Variants in CALN1 observed in about 807,000 individuals in gnomAD.
CALN1 encodes the protein calcium-binding protein 8.
A neutral mutation model predicts 30.6 loss-of-function variants in CALN1; 17 were observed. That is an observed-to-expected ratio of 0.56 (90% CI 0.38 to 0.83). CALN1 has a LOEUF of 0.83. Ranked by LOEUF, CALN1 falls within the 40% of genes least tolerant of loss-of-function variation. CALN1 has a pLI of 0.00. For missense variants in CALN1, 291 were observed against 354.9 expected, an observed-to-expected ratio of 0.82 and a Z score of 1.45; for synonymous variants, 156 against 131.4, an observed-to-expected ratio of 1.19 and a Z score of -1.28.
In CALN1 at chr7:72,412,315, G is replaced by A. The variant is rs572959266; in HGVS notation, c.-331C>T. On this transcript the variant is annotated 5_prime_UTR_variant, in exon 1 of 7. Coordinates refer to ENST00000395275, the MANE Select transcript of CALN1 (RefSeq NM_031468.4). ...AGGAAAGAAAAAAACACAAACTCAA[G>A]CGGATAGCACCCCAGCGAGCTTCCC... The A allele has an allele frequency of 5.3e-5, 8 of 152,134 alleles. No individual in the cohort carries two copies. Among genetic ancestry groups the A allele is most frequent in the East Asian group, 1.9e-4 (1 of 5,194 alleles). 9.4% of individuals were successfully genotyped at this position (152,134 alleles called of 1,614,324 possible).
chr7:72,201,587 GA>G (rs1201708497), intron 3 of CALN1, among the ~76,000 whole-genome samples: 1 of 147,618 alleles, frequency 6.8e-6, no homozygotes, highest in African/African-American at 2.5e-5. Flanking sequence ...CTCCATTTCG[GA>G]AAAAAAAAGA....
the CALN1 span, among the ~76,000 whole-genome samples, chr7:72,482,887 G>T: frequency 6.6e-6 from 1 of 151,816 alleles, no homozygotes; most frequent in Non-Finnish European, 1.5e-5. Context: ...TTCATTTATT[G>T]CAGATATGCT....
chr7:72,276,875 AGTGCCCT>A (rs1797368773), intron 3 of CALN1, among the ~76,000 whole-genome samples: 1 of 152,208 alleles, frequency 6.6e-6, no homozygotes. Context: ...AGACTAAGAC[AGTGCCCT>A]TACATACTCA....
rs919978409 is a variant in CALN1 at position 72,370,371 on chromosome 7, T to A, written c.119+32880A>T. On this transcript the variant is annotated intron_variant, in intron 2 of 6. Transcript: ENST00000395275. Reference sequence around the variant, plus strand: ...TATTAAATTTCAAAAGCTCTTCATATGCTTTAGATATAAGTCCTTTATAAG... The same window carrying A: ...TATTAAATTTCAAAAGCTCTTCATAAGCTTTAGATATAAGTCCTTTATAAG... Among the ~76,000 whole-genome samples, 77 of 152,244 alleles carry A rather than the reference T, an allele frequency of 5.1e-4. 1 individual carries two copies. The highest frequency in any genetic ancestry group is 1.8e-3 in the African/African-American group (74 of 41,462).
At chr7:72,011,876 A>T (rs1242560685) in intron 5 of CALN1, among the ~76,000 whole-genome samples, 1 of 152,002 alleles carries the variant, frequency 6.6e-6, no homozygotes, top group South Asian at 2.1e-4. Context: ...TCTGAACTCA[A>T]ACAGTTCTCA....
chr7:72,449,668 C>T (rs992203683), upstream of CALN1, among the ~76,000 whole-genome samples: 4 of 151,990 alleles, frequency 2.6e-5, no homozygotes, highest in East Asian at 3.9e-4. Context: ...GTCAGGAGAT[C>T]GAGACCATCC....
At chr7:72,154,187 CCAGA>C (rs1295655449) in intron 3 of CALN1, among the ~76,000 whole-genome samples, 1 of 151,450 alleles carries the variant, frequency 6.6e-6, no homozygotes, top group Non-Finnish European at 1.5e-5. Context: ...TGACCTAGGG[CCAGA>C]CAAACTGCTT....
intron 6 of CALN1, among the ~76,000 whole-genome samples, chr7:71,803,460 C>T (rs369973530): frequency 1.2e-4 from 18 of 152,198 alleles, no homozygotes; most frequent in African/African-American, 4.1e-4. Context: ...TTTCCTGGAG[C>T]AGTCAGGAAG....
intron 5 of CALN1, among the ~76,000 whole-genome samples, chr7:71,864,198 C>T (rs536799901): frequency 6.6e-6 from 1 of 152,284 alleles, no homozygotes; most frequent in African/African-American, 2.4e-5. Flanking sequence ...TCTTCAATTA[C>T]CCACAGTCTT....
intron 3 of CALN1, among the ~76,000 whole-genome samples, chr7:72,121,253 T>C (rs1179310731): frequency 7.2e-6 from 1 of 139,206 alleles, no homozygotes; most frequent in African/African-American, 2.6e-5. Context: ...TTATAATACA[T>C]ATCTATTATA....
At chr7:72,182,138 G>C (rs1355955994) in intron 3 of CALN1, among the ~76,000 whole-genome samples, 1 of 152,158 alleles carries the variant, frequency 6.6e-6, no homozygotes, top group Non-Finnish European at 1.5e-5. Context: ...TTCAAGGTGA[G>C]CCCTAGAATG....
intron 4 of CALN1, among the ~76,000 whole-genome samples, chr7:72,067,159 T>C (rs1056671869): frequency 1.8e-4 from 27 of 152,210 alleles, no homozygotes; most frequent in Admixed American, 1.6e-3. Flanking sequence ...GCTTCTTCCA[T>C]GTTTTGGTCA....
chr7:71,922,564 TATAA>T (rs1386323141), intron 5 of CALN1, among the ~76,000 whole-genome samples: 4 of 139,872 alleles, frequency 2.9e-5, no homozygotes, highest in African/African-American at 5.3e-5. Flanking sequence ...ACAGATTATA[TATAA>T]ATATATAACA....
intron 5 of CALN1, among the ~76,000 whole-genome samples, chr7:71,843,420 A>T (rs577012696): frequency 1.3e-5 from 2 of 152,134 alleles, no homozygotes; most frequent in Non-Finnish European, 2.9e-5. Flanking sequence ...GGACTTCAAG[A>T]CTAGCCTAGG....
At chr7:72,059,485 T>TTG (rs1265358614) in intron 4 of CALN1, among the ~76,000 whole-genome samples, 1 of 152,070 alleles carries the variant, frequency 6.6e-6, no homozygotes, top group African/African-American at 2.4e-5. Context: ...AGTAAGTCAA[T>TTG]ACTTCAGGCT....
At chr7:72,368,212 T>C (rs1451295193) in intron 2 of CALN1, among the ~76,000 whole-genome samples, 1 of 151,218 alleles carries the variant, frequency 6.6e-6, no homozygotes, top group Non-Finnish European at 1.5e-5. Context: ...TGTGTATATA[T>C]ATCTATGTGC....
At chr7:71,896,144 C>T (rs578075118) in intron 5 of CALN1, among the ~76,000 whole-genome samples, 20 of 152,246 alleles carry the variant, frequency 1.3e-4, no homozygotes, top group East Asian at 3.9e-4. Context: ...TAATAATATA[C>T]GCTTTAATGT....
At chr7:71,929,916 G>A (rs1272094010) in intron 5 of CALN1, among the ~76,000 whole-genome samples, 1 of 152,126 alleles carries the variant, frequency 6.6e-6, no homozygotes, top group African/African-American at 2.4e-5. Context: ...GTATCTGTGG[G>A]AATTGGTTTC....
intron 2 of CALN1, among the ~76,000 whole-genome samples, chr7:72,389,379 A>C (rs934543316): frequency 6.6e-6 from 1 of 152,198 alleles, no homozygotes; most frequent in African/African-American, 2.4e-5. Context: ...ATTAAGCCTT[A>C]AAAGTGTCCG....
Sources: allele counts gnomAD v4.1 joint callset (sites outside exome capture counted in the v4.1 genomes callset), GRCh38; gene constraint gnomAD v4.1.1; transcripts MANE v1.5; gene names NCBI Gene and HGNC (gene_info 2026-07-23, HGNC 2026-07-21).